Variants in DDR2 observed in about 807,000 individuals in gnomAD.
The protein encoded by DDR2 is discoidin domain receptor tyrosine kinase 2.
Under a neutral mutation model 94.9 loss-of-function variants are expected in DDR2, and 27 were observed. The observed-to-expected ratio is 0.28, with a 90% confidence interval of 0.21 to 0.39. The LOEUF is 0.39. Ranked by LOEUF, DDR2 falls within the 10% of genes least tolerant of loss-of-function variation. The pLI, the probability that DDR2 is intolerant of heterozygous loss-of-function variation, is 1.00. For missense variants in DDR2, 783 were observed against 1,076.0 expected (o/e 0.73, Z 3.81); for synonymous variants, 382 against 377.2 (o/e 1.01, Z -0.15).
chr1:162,682,104 C>A (rs1276238681), intron 2 of DDR2, among the ~76,000 whole-genome samples: 1 of 151,988 alleles, frequency 6.6e-6, no homozygotes, highest in African/African-American at 2.4e-5. Flanking sequence ...TGTGTCCTGC[C>A]CGGGCTCCTC....
At chr1:162,727,064 A>G (rs1014006391) in intron 3 of DDR2, among the ~76,000 whole-genome samples, 46 of 146,232 alleles carry the variant, frequency 3.1e-4, no homozygotes, top group African/African-American at 1.1e-3. Context: ...TAAATATATT[A>G]TAAATATTAT....
Position 162,778,138 on chromosome 1 carries a change from GT to G in DDR2, c.2284-440del, listed in dbSNP as rs1208168980. 6 of 269,582 alleles carry G rather than the reference GT, an allele frequency of 2.2e-5. No individual in the cohort carries two copies. In the Admixed American group the frequency reaches 3.0e-4, roughly 13 times the overall value. 16.7% of individuals were successfully genotyped at this position (269,582 alleles called of 1,614,324 possible). ...CACCTGAATCTCATTGCTGTCACTT[GT>G]TAAAGTCTATCTTTCAACACTGTGA... is the stretch of plus-strand genomic sequence containing the variant. On this transcript the variant is annotated intron_variant, in intron 16 of 17. Coordinates refer to ENST00000367921, the MANE Select transcript of DDR2 (RefSeq NM_006182.4).
Position 162,772,173 on chromosome 1 carries a change from GAT to G in DDR2, c.1655_1656del (p.Asp552GlyfsTer29), listed in dbSNP as rs1647264053. The G allele has an allele frequency of 6.2e-7, 1 of 1,614,122 alleles. No homozygotes were observed. On this transcript the variant is annotated frameshift_variant, in exon 13 of 18. Coordinates refer to ENST00000367921, the MANE Select transcript of DDR2 (RefSeq NM_006182.4). LOFTEE classifies it high-confidence loss of function. Reference protein sequence around the residue: ...AVTMDLLSGKDVAVEEFPRKL... With the variant: ...AVTMDLLSGKXVAVEEFPRKL... ...CACCATGGACCTGCTCTCAGGAAAAGATGTGGCTGTGGAGGAGTTCCCCAGGA... is the reference window on the plus strand; with the variant it reads ...CACCATGGACCTGCTCTCAGGAAAAGGTGGCTGTGGAGGAGTTCCCCAGGA...
intron 2 of DDR2, among the ~76,000 whole-genome samples, chr1:162,663,500 G>T (rs1252015800): frequency 6.6e-6 from 1 of 152,174 alleles, no homozygotes; most frequent in Non-Finnish European, 1.5e-5. Flanking sequence ...AACTGCTGCA[G>T]ATATTTGAGC....
At chr1:162,756,889 G>A (rs1663489723) in intron 7 of DDR2, among the ~76,000 whole-genome samples, 2 of 152,134 alleles carry the variant, frequency 1.3e-5, no homozygotes, top group Non-Finnish European at 2.9e-5. Context: ...GAGATCAACC[G>A]AATTCAGTTT....
chr1:162,644,146 A>C (rs534942315), intron 1 of DDR2, among the ~76,000 whole-genome samples: 16 of 152,346 alleles, frequency 1.1e-4, no homozygotes, highest in Non-Finnish European at 1.9e-4. Flanking sequence ...AGTCTTAATG[A>C]GACAAATAGA....
Position 162,753,087 on chromosome 1 carries a change from T to C in DDR2, c.83-8T>C. The C allele has an allele frequency of 6.2e-7, 1 of 1,612,156 alleles. No individual in the cohort carries two copies. Among genetic ancestry groups the C allele is most frequent in the Non-Finnish European group, 8.5e-7 (1 of 1,178,548 alleles). ...CCTCTCTTTTCTCTTTGGTTTCTCT[T>C]GGTCTAGCTATATGCCGCTATCCTC... is the stretch of plus-strand genomic sequence containing the variant. On this transcript the variant is annotated splice_polypyrimidine_tract_variant and splice_region_variant and intron_variant, in intron 3 of 17. Transcript: ENST00000367921.
chr1:162,737,237 C>T (rs1312922311), intron 3 of DDR2, among the ~76,000 whole-genome samples: 1 of 149,002 alleles, frequency 6.7e-6, no homozygotes, highest in Non-Finnish European at 1.5e-5. Context: ...ATACATGTGC[C>T]ATGCTGGTGC....
At chr1:162,741,363 C>T (rs945823416) in intron 3 of DDR2, among the ~76,000 whole-genome samples, 18 of 146,186 alleles carry the variant, frequency 1.2e-4, no homozygotes, top group Admixed American at 3.4e-4. Flanking sequence ...ATCCAAAATC[C>T]GAAATGCTCT....
At chr1:162,736,921 G>A (rs2102072312) in intron 3 of DDR2, among the ~76,000 whole-genome samples, 1 of 152,330 alleles carries the variant, frequency 6.6e-6, no homozygotes, top group South Asian at 2.1e-4. Context: ...GGAAAGTGGG[G>A]TAAGGACAAG....
chr1:162,690,346 G>A (rs565560259), intron 2 of DDR2, among the ~76,000 whole-genome samples: 3 of 152,246 alleles, frequency 2.0e-5, no homozygotes, highest in Non-Finnish European at 2.9e-5. Context: ...AGGGTGGAAA[G>A]CTCACTGGTT....
At chr1:162,658,311 A>G (rs1658110058) in intron 2 of DDR2, among the ~76,000 whole-genome samples, 2 of 152,256 alleles carry the variant, frequency 1.3e-5, no homozygotes, top group Admixed American at 1.3e-4. Flanking sequence ...ACAGGAACAC[A>G]CCTGGAAATG....
intron 8 of DDR2, among the ~76,000 whole-genome samples, chr1:162,760,381 T>TGC (rs397981726): frequency 6.7e-6 from 1 of 148,908 alleles, no homozygotes; most frequent in East Asian, 2.0e-4. Context: ...TGTGTGTGTG[T>TGC]ATACACACAC....
At chr1:162,664,441 C>T (rs1258257456) in intron 2 of DDR2, among the ~76,000 whole-genome samples, 3 of 152,006 alleles carry the variant, frequency 2.0e-5, no homozygotes, top group African/African-American at 4.8e-5. Flanking sequence ...AAAGATTATA[C>T]ACAAATTTAT....
chr1:162,709,169 G>T (rs1660786356), intron 2 of DDR2, among the ~76,000 whole-genome samples: 1 of 152,168 alleles, frequency 6.6e-6, no homozygotes, highest in African/African-American at 2.4e-5. Context: ...AACCCAGCAA[G>T]CCTGGTCTCA....
intron 3 of DDR2, among the ~76,000 whole-genome samples, chr1:162,730,242 G>A (rs1028716973): frequency 6.6e-6 from 1 of 152,014 alleles, no homozygotes; most frequent in Non-Finnish European, 1.5e-5. Context: ...CCAAAGTGCA[G>A]CACCAGGTCC....
At chr1:162,740,299 C>T (rs1206114382) in intron 3 of DDR2, among the ~76,000 whole-genome samples, 1 of 152,122 alleles carries the variant, frequency 6.6e-6, no homozygotes. Flanking sequence ...CCTATCCTCC[C>T]CTCAAAATGC....
chr1:162,658,607 T>A (rs1444430479), intron 2 of DDR2, among the ~76,000 whole-genome samples: 1 of 143,312 alleles, frequency 7.0e-6, no homozygotes, highest in Non-Finnish European at 1.5e-5. Flanking sequence ...GGAGGAAGGA[T>A]CACTTGAGCC....
chr1:162,657,840 C>T (rs942431502), intron 2 of DDR2, among the ~76,000 whole-genome samples: 1 of 152,044 alleles, frequency 6.6e-6, no homozygotes, highest in Non-Finnish European at 1.5e-5. Context: ...TTCCCCTCCC[C>T]ACTCCCCAGT....
Sources: allele counts gnomAD v4.1 joint callset (sites outside exome capture counted in the v4.1 genomes callset), GRCh38; gene constraint gnomAD v4.1.1; transcripts MANE v1.5; gene names NCBI Gene and HGNC (gene_info 2026-07-23, HGNC 2026-07-21).